The following RAB27B variants were observed in gnomAD, a reference collection of about 807,000 sequenced individuals.
RAB27B encodes the protein ras-related protein Rab-27B.
A neutral mutation model predicts 24.6 loss-of-function variants in RAB27B; 15 were observed. The observed-to-expected ratio is 0.61, with a 90% CI of 0.41 to 0.94. RAB27B has a LOEUF of 0.94. Ranked by LOEUF, RAB27B falls within the 40% of genes least tolerant of loss-of-function variation. The probability of loss-of-function intolerance (pLI) is 0.00; values close to 1 mark genes in which losing one functional copy is unlikely to be tolerated. For missense variants in RAB27B, 261 were observed against 266.8 expected, an observed-to-expected ratio of 0.98 and a Z score of 0.15; for synonymous variants, 105 against 92.5, an observed-to-expected ratio of 1.14 and a Z score of -0.78.
At chr18:54,807,637 C>A (rs957560436) in intron 2 of RAB27B, among the ~76,000 whole-genome samples, 1 of 152,118 alleles carries the variant, frequency 6.6e-6, no homozygotes, top group Non-Finnish European at 1.5e-5. Flanking sequence ...GGAATGACAC[C>A]TTTGTGGTAT....
intron 1 of RAB27B, among the ~76,000 whole-genome samples, chr18:54,831,123 G>T (rs1165802146): frequency 6.6e-6 from 1 of 152,180 alleles, no homozygotes. Flanking sequence ...TCAGCAGAGA[G>T]TATAAAGCCG....
intron 2 of RAB27B, among the ~76,000 whole-genome samples, chr18:54,735,916 C>T (rs577843942): frequency 6.6e-6 from 1 of 152,062 alleles, no homozygotes; most frequent in Non-Finnish European, 1.5e-5. Flanking sequence ...CAGGACCATG[C>T]CAAACTGGAT....
At chr18:54,806,791 A>G (rs1909804762) in intron 2 of RAB27B, among the ~76,000 whole-genome samples, 1 of 152,134 alleles carries the variant, frequency 6.6e-6, no homozygotes, top group African/African-American at 2.4e-5. Flanking sequence ...AAAATTGAAG[A>G]ATTATATCAA....
At chr18:54,862,369 T>TG (rs1912042745) in intron 1 of RAB27B, among the ~76,000 whole-genome samples, 1 of 152,186 alleles carries the variant, frequency 6.6e-6, no homozygotes. Context: ...CCGCAAGCTA[T>TG]GTGCCAAGCT....
At chr18:54,869,962 G>A (rs147556724) in intron 1 of RAB27B, among the ~76,000 whole-genome samples, 233 of 152,208 alleles carry the variant, frequency 1.5e-3, no homozygotes, top group African/African-American at 5.2e-3. Context: ...GAAGAAAACA[G>A]AAGATAATTC....
intron 2 of RAB27B, among the ~76,000 whole-genome samples, chr18:54,793,261 C>T (rs567109662): frequency 3.3e-5 from 5 of 152,226 alleles, no homozygotes; most frequent in Admixed American, 2.0e-4. Context: ...GCAGACAAAA[C>T]AGAAACAGAA....
intron 1 of RAB27B, among the ~76,000 whole-genome samples, chr18:54,858,091 C>T (rs560298769): frequency 6.6e-6 from 1 of 152,122 alleles, no homozygotes; most frequent in Non-Finnish European, 1.5e-5. Context: ...AGCCTGTATT[C>T]GTCATCGTGT....
At chr18:54,753,167 A>T (rs1412864078) in intron 2 of RAB27B, among the ~76,000 whole-genome samples, 1 of 152,184 alleles carries the variant, frequency 6.6e-6, no homozygotes, top group Non-Finnish European at 1.5e-5. Context: ...GTGAGATATT[A>T]AATACATTTG....
chr18:54,852,141 T>C (rs1260822473), intron 1 of RAB27B, among the ~76,000 whole-genome samples: 1 of 152,170 alleles, frequency 6.6e-6, no homozygotes, highest in Non-Finnish European at 1.5e-5. Context: ...TACAAAGAAA[T>C]GCAAAGGTTG....
intron 2 of RAB27B, among the ~76,000 whole-genome samples, chr18:54,759,591 A>G (rs1164322084): frequency 6.6e-6 from 1 of 152,194 alleles, no homozygotes; most frequent in Non-Finnish European, 1.5e-5. Context: ...GGCGAGGGCC[A>G]CACCCTCAAG....
chr18:54,796,649 C>T (rs7239330), intron 2 of RAB27B, among the ~76,000 whole-genome samples: 8,530 of 152,248 alleles, frequency 0.056, 594 homozygotes, highest in African/African-American at 0.15. Flanking sequence ...TACTCCTCTG[C>T]TCCTCTCGAC....
At chr18:54,813,281 T>C (rs1375226617) in intron 2 of RAB27B, among the ~76,000 whole-genome samples, 1 of 152,222 alleles carries the variant, frequency 6.6e-6, no homozygotes, top group Non-Finnish European at 1.5e-5. Flanking sequence ...TGCCATGTAC[T>C]AGACATGCTA....
intron 1 of RAB27B, among the ~76,000 whole-genome samples, chr18:54,848,027 G>A: frequency 6.6e-6 from 1 of 152,188 alleles, no homozygotes; most frequent in East Asian, 1.9e-4. Flanking sequence ...ACGGAAGTGA[G>A]GTACAGAAAC....
intron 2 of RAB27B, among the ~76,000 whole-genome samples, chr18:54,753,198 A>T (rs1018543436): frequency 6.6e-6 from 1 of 152,120 alleles, no homozygotes; most frequent in Non-Finnish European, 1.5e-5. Flanking sequence ...GATTAAAGGG[A>T]TCATTTAAAA....
intron 2 of RAB27B, among the ~76,000 whole-genome samples, chr18:54,765,396 A>T (rs1908329609): frequency 6.6e-6 from 1 of 152,176 alleles, no homozygotes; most frequent in Non-Finnish European, 1.5e-5. Flanking sequence ...GTTTCATTCC[A>T]TTTGACTTCA....
At position 54,733,651 on chromosome 18, in the gene RAB27B, C is replaced by CT. The variant is rs752845601; in HGVS notation, c.-20+15510_-20+15511insT. Among the ~76,000 whole-genome samples, 25 of 23,428 alleles carry CT rather than the reference C, an allele frequency of 1.1e-3. 1 individual carries two copies. The highest frequency in any genetic ancestry group is 0.056 in the Middle Eastern group (1 of 18). 15.4% of individuals were successfully genotyped at this position (23,428 alleles called of 152,430 possible). A position where few individuals can be genotyped will look rare whatever the true frequency, so the allele number is the denominator to read the frequency against. ...TTAGGTGAAATCTTCTGTTCTAGAG[C>CT]CCCCCCCCCCCAAATTTGCTAAGCT... is the stretch of plus-strand genomic sequence containing the variant. On this transcript the variant is annotated intron_variant, in intron 2 of 4. Coordinates refer to the RAB27B transcript ENST00000586570.
chr18:54,783,400 TA>T, intron 2 of RAB27B, among the ~76,000 whole-genome samples: 1 of 152,216 alleles, frequency 6.6e-6, no homozygotes, highest in East Asian at 1.9e-4. Flanking sequence ...TAGCCATTTG[TA>T]AGAAGCATTT....
chr18:54,731,401 C>G (rs1380016238), intron 2 of RAB27B, among the ~76,000 whole-genome samples: 1 of 152,162 alleles, frequency 6.6e-6, no homozygotes, highest in Admixed American at 6.6e-5. Context: ...CAATTTAAAT[C>G]TCAATCCAAT....
rs141400813 is a variant in RAB27B at position 54,793,572 on chromosome 18, C to T, written c.-20+75431C>T. Among the ~76,000 whole-genome samples the T allele has an allele frequency of 4.2e-3, 643 of 152,344 alleles. 1 individual carries two copies. Among genetic ancestry groups the T allele is most frequent in the Non-Finnish European group, 5.7e-3 (390 of 68,030 alleles). On this transcript the variant is annotated intron_variant, in intron 2 of 4. Coordinates refer to the RAB27B transcript ENST00000586570. ...GGACCAGATAGTCCCTAGGATCTGT[C>T]TCTTCCAATGTTCATTTCTTAGGAT... is the stretch of plus-strand genomic sequence containing the variant.
Sources: gnomAD v4.1 joint callset for allele counts (sites outside exome capture counted in the v4.1 genomes callset) on GRCh38, gnomAD v4.1.1 for gene constraint, MANE v1.5 for transcripts, NCBI Gene and HGNC (gene_info 2026-07-23, HGNC 2026-07-21) for gene names.